The following NCAPD3 variants were observed in gnomAD, a reference collection of about 807,000 sequenced individuals.
The protein encoded by NCAPD3 is non-SMC condensin II complex subunit D3, also known as condensin-2 complex subunit D3.
NCAPD3 carries 105 observed loss-of-function variants against 182.9 expected under a neutral mutation model. The ratio of observed to expected loss-of-function variants is 0.57; its 90% CI spans 0.49 to 0.68. The LOEUF (loss-of-function observed/expected upper bound fraction) is 0.68. Ranked by LOEUF, NCAPD3 falls within the 30% of genes least tolerant of loss-of-function variation. The pLI is 0.00. For missense variants in NCAPD3, 1,944 were observed against 1,837.0 expected (o/e 1.06, Z -1.07); for synonymous variants, 815 against 679.9 (o/e 1.20, Z -3.09).
chr11:134,223,294 T>A (rs545611129), intron 1 of NCAPD3: 2 of 624,040 alleles, frequency 3.2e-6, no homozygotes, highest in South Asian at 3.5e-5. Flanking sequence ...GGCAGCAGCA[T>A]CAGGAATGGA....
Position 134,152,085 on chromosome 11 carries a change from T to C in NCAPD3, c.*859A>G, listed in dbSNP as rs1943256100. On this transcript the variant is annotated 3_prime_UTR_variant, in exon 35 of 35. Coordinates refer to ENST00000534548, the MANE Select transcript of NCAPD3 (RefSeq NM_015261.3). ...CAAACCAACTGCATTTCTTTCTGGA[T>C]ATTGTTGAACAAAAATAGCATTCAG... 2 of 152,270 alleles carry C rather than the reference T, an allele frequency of 1.3e-5. No homozygotes were observed. The highest frequency in any genetic ancestry group is 2.4e-5 in the African/African-American group (1 of 41,468). 9.4% of individuals were successfully genotyped at this position (152,270 alleles called of 1,614,324 possible). A position where few individuals can be genotyped will look rare whatever the true frequency, so the allele number is the denominator to read the frequency against.
At position 134,167,988 on chromosome 11, in the gene NCAPD3, ACACT is replaced by A. The variant is rs777511582; in HGVS notation, c.3573+4_3573+7del. On this transcript the variant is annotated splice_donor_5th_base_variant and intron_variant, in intron 27 of 34. Coordinates refer to ENST00000534548, the MANE Select transcript of NCAPD3 (RefSeq NM_015261.3). ...GAGAAGATGATCTTAGGGGAGCAACACACTCACTTGTGAGATGAGCTTCTTCTGA... is the reference window on the plus strand; with the variant it reads ...GAGAAGATGATCTTAGGGGAGCAACACACTTGTGAGATGAGCTTCTTCTGA... The A allele has an allele frequency of 3.1e-6, 5 of 1,612,960 alleles. No individual in the cohort carries two copies. Among genetic ancestry groups the A allele is most frequent in the South Asian group, 2.2e-5 (2 of 91,038 alleles).
chr11:134,208,746 G>A (rs1382258283), intron 7 of NCAPD3, 118 bp downstream of exon 7: 1 of 706,150 alleles, frequency 1.4e-6, no homozygotes, highest in South Asian at 1.7e-5. Context: ...ATAAGGTCAT[G>A]AAAATGAGCT....
At position 134,194,658 on chromosome 11, in the gene NCAPD3, C is replaced by A; in HGVS notation, c.1689+7G>T. 6.4e-7 allele frequency: 1 copy of A among 1,567,926 alleles called. No individual in the cohort carries two copies. Reference sequence around the variant, plus strand: ...TAAAAAAAAAAATGTGCAGAGAAAACTCCCACCTGCAGTGCAGACTTCCTA... The same window carrying A: ...TAAAAAAAAAAATGTGCAGAGAAAAATCCCACCTGCAGTGCAGACTTCCTA... On this transcript the variant is annotated splice_region_variant and intron_variant, in intron 14 of 34. Transcript: ENST00000534548.
At chr11:134,195,272 AT>A (rs1220749015) in intron 13 of NCAPD3, among the ~76,000 whole-genome samples, 2 of 149,352 alleles carry the variant, frequency 1.3e-5, no homozygotes, top group African/African-American at 5.0e-5. Context: ...ATTTTTTTTT[AT>A]TTTTCTGTAG....
At chr11:134,163,163 T>C (rs980477276) in intron 27 of NCAPD3, among the ~76,000 whole-genome samples, 21 of 152,190 alleles carry the variant, frequency 1.4e-4, no homozygotes, top group Non-Finnish European at 3.1e-4. Flanking sequence ...TCAGGGTTTA[T>C]TCAGAAGATG....
chr11:134,171,532 G>A (rs1467173880), intron 24 of NCAPD3, among the ~76,000 whole-genome samples: 4 of 152,080 alleles, frequency 2.6e-5, no homozygotes, highest in African/African-American at 9.7e-5. Flanking sequence ...TTCCTGACCT[G>A]GCCTACAACA....
In NCAPD3 at chr11:134,193,800, G is replaced by A. The variant is rs962260299; in HGVS notation, c.1824+216C>T. ...AAAGTGAAGAAAGGGCTAACAATTG[G>A]CATTCTCTAGCATTAGTTCCTAATT... On this transcript the variant is annotated intron_variant, in intron 15 of 34. Transcript: ENST00000534548. 5.3e-5 allele frequency among the ~76,000 whole-genome samples: 8 copies of A among 152,076 alleles called. No homozygotes were observed. In the South Asian group the frequency reaches 1.5e-3, roughly 28 times the overall value.
chr11:134,185,429 A>G lies in NCAPD3; in HGVS notation c.2143T>C (p.Ser715Pro), dbSNP rs756267337. 1.5e-5 allele frequency: 24 copies of G among 1,613,984 alleles called. 1 individual carries two copies. In the Admixed American group the frequency reaches 3.2e-4, roughly 21 times the overall value. The change falls in exon 17 of 35, where the codon TCG (serine) becomes CCG (proline). Residue 715 changes from serine (S) to proline (P), a missense_variant. Ser to Pro is a moderately conservative substitution (Grantham distance 74, BLOSUM62 -1). This residue lies in a region of NCAPD3 where 1,803 missense variants were observed against 1,674.6 expected (regional missense o/e 1.08). Transcript: ENST00000534548. ...NVISHTGTEH[S>P]APAWMLLSKI... ...GAGAGCAGCATCCAGGCAGGTGCCG[A>G]ATGTTCCGTGCCAGTGTGAGATATT... is the stretch of plus-strand genomic sequence containing the variant.
At chr11:134,169,560 C>G (rs922056159) in intron 24 of NCAPD3, among the ~76,000 whole-genome samples, 1 of 152,186 alleles carries the variant, frequency 6.6e-6, no homozygotes, top group African/African-American at 2.4e-5. Flanking sequence ...CAGTTTGGAT[C>G]AGGAGGACAA....
At position 134,153,305 on chromosome 11, in the gene NCAPD3, A is replaced by T. The variant is rs1439247067; in HGVS notation, c.4311T>A (p.Thr1437=). ...AGAACTTGCCTTTGGCTGACGACGG[A>T]GTCCGTGGTGTCCCGATGTAACTGA... The part of the protein sequence containing the change: ...AGVSYIGTPR[T]PSSAKEKIEG... Residue 1437 remains threonine (T), a synonymous_variant, in exon 33 of 35, where the codon ACT becomes ACA. Transcript: ENST00000534548. 6.2e-7 allele frequency: 1 copy of T among 1,614,234 alleles called. No individual in the cohort carries two copies. Among genetic ancestry groups the T allele is most frequent in the East Asian group, 2.2e-5 (1 of 44,880 alleles).
chr11:134,218,973 A>T (rs1298179085), intron 2 of NCAPD3, among the ~76,000 whole-genome samples: 1 of 152,204 alleles, frequency 6.6e-6, no homozygotes, highest in Non-Finnish European at 1.5e-5. Context: ...TGAGGATTAA[A>T]TGAGTTAATA....
chr11:134,202,437 G>A (rs1239201219), intron 13 of NCAPD3, among the ~76,000 whole-genome samples: 2 of 152,154 alleles, frequency 1.3e-5, no homozygotes, highest in African/African-American at 4.8e-5. Context: ...GAGTACAGTG[G>A]TATGATCAGA....
Position 134,184,651 on chromosome 11 carries a change from G to C in NCAPD3, c.2437C>G (p.Pro813Ala), listed in dbSNP as rs781574921. ...TCTGGCCATACCTGCTCCTCTGCTG[G>C]TGTCTCTGCAGATGCTCTACAAAGC... is the stretch of plus-strand genomic sequence containing the variant. The part of the protein sequence containing the change: ...QRLCRASAET[P>A]AEEQELLTQV... Residue 813 changes from proline to alanine, a missense_variant, in exon 19 of 35, where the codon CCA (proline) becomes GCA (alanine). Physicochemically the swap from Pro to Ala is conservative, Grantham distance 27 (BLOSUM62 -1). Coordinates refer to ENST00000534548, the MANE Select transcript of NCAPD3 (RefSeq NM_015261.3). 7 of 1,610,702 alleles carry C rather than the reference G, an allele frequency of 4.3e-6. No individual in the cohort carries two copies. Among genetic ancestry groups the C allele is most frequent in the Non-Finnish European group, 5.9e-6 (7 of 1,178,444 alleles).
intron 31 of NCAPD3, 48 bp from the exon 32 acceptor site, chr11:134,157,143 C>G (rs201535131): frequency 2.3e-5 from 34 of 1,463,038 alleles, no homozygotes; most frequent in Admixed American, 1.8e-5. Context: ...CAAACAATAA[C>G]GAAGAGCAAA....
upstream of NCAPD3, chr11:134,225,225 G>A (rs1425956800): frequency 5.0e-6 from 8 of 1,614,044 alleles, no homozygotes; most frequent in Admixed American, 1.7e-5. Context: ...CGGGAAGAAG[G>A]AGAAATATTT....
In NCAPD3 at chr11:134,153,161, CAT is replaced by C. The variant is rs1565512032; in HGVS notation, c.4365_4366del (p.Cys1456PhefsTer5). On this transcript the variant is annotated frameshift_variant, in exon 34 of 35. Coordinates refer to ENST00000534548, the MANE Select transcript of NCAPD3 (RefSeq NM_015261.3). LOFTEE classifies it low-confidence loss of function (END_TRUNC). ...TTACGGTTTATCAGGCAGTGATAAA[CAT>C]AAGATGTCATTTCCTTGACTCCGGC... 3.1e-6 allele frequency: 5 copies of C among 1,614,134 alleles called. No homozygotes were observed. Among genetic ancestry groups the C allele is most frequent in the Non-Finnish European group, 4.2e-6 (5 of 1,179,996 alleles).
chr11:134,204,841 AT>A lies in NCAPD3; in HGVS notation c.1089+57del. ...CCCACACTCACACACACACACACAC[AT>A]TTATCTTCACACACGATATACTTCC... On this transcript the variant is annotated intron_variant, in intron 9 of 34. Transcript: ENST00000534548. The surrounding 1 kb of genome is among the most constrained non-coding windows in gnomAD (Gnocchi z 4.3). 7.2e-7 allele frequency: 1 copy of A among 1,391,534 alleles called. No individual in the cohort carries two copies. Among genetic ancestry groups the A allele is most frequent in the Non-Finnish European group, 1.0e-6 (1 of 983,754 alleles). 86.2% of individuals were successfully genotyped at this position (1,391,534 alleles called of 1,614,324 possible). A position where few individuals can be genotyped will look rare whatever the true frequency, so the allele number is the denominator to read the frequency against.
In NCAPD3 at chr11:134,153,130, C is replaced by T; in HGVS notation, c.4388+10G>A. On this transcript the variant is annotated intron_variant, in intron 34 of 34. Transcript: ENST00000534548. Reference sequence around the variant, plus strand: ...AACATCCACCTCAAAAGGAACACTGCTAAACTTACGGTTTATCAGGCAGTG... The same window carrying T: ...AACATCCACCTCAAAAGGAACACTGTTAAACTTACGGTTTATCAGGCAGTG... The T allele has an allele frequency of 6.2e-7, 1 of 1,613,790 alleles. No homozygotes were observed. The highest frequency in any genetic ancestry group is 8.5e-7 in the Non-Finnish European group (1 of 1,179,672).
Sources: allele counts gnomAD v4.1 joint callset (sites outside exome capture counted in the v4.1 genomes callset), GRCh38; gene constraint gnomAD v4.1.1; regional missense constraint gnomAD v4.1.1; non-coding constraint Gnocchi (gnomAD v3.1); transcripts MANE v1.5; gene names NCBI Gene and HGNC (gene_info 2026-07-23, HGNC 2026-07-21).